Variants in RAD51B observed in about 807,000 individuals in gnomAD.
The protein encoded by RAD51B is RAD51 paralog B.
In RAD51B, 38 loss-of-function variants were observed where a neutral mutation model predicts 42.2. The ratio of observed to expected loss-of-function variants is 0.90; its 90% CI spans 0.70 to 1.18. The LOEUF (loss-of-function observed/expected upper bound fraction) is 1.18. Ranked by LOEUF, RAD51B falls within the 50% of genes most tolerant of loss-of-function variation. The probability of loss-of-function intolerance (pLI) is 0.00; values close to 1 mark genes in which losing one functional copy is unlikely to be tolerated. For synonymous variants in RAD51B, 154 were observed against 145.2 expected, an observed-to-expected ratio of 1.06 and a Z score of -0.43; for missense variants, 373 against 400.7, an observed-to-expected ratio of 0.93 and a Z score of 0.59.
At chr14:68,153,481 C>T (rs1208809980) in intron 7 of RAD51B, among the ~76,000 whole-genome samples, 1 of 152,076 alleles carries the variant, frequency 6.6e-6, no homozygotes, top group Admixed American at 6.6e-5. Context: ...TCCTGTTCTC[C>T]TCAACCTCTC....
chr14:68,423,207 C>T (rs904353379), intron 9 of RAD51B, among the ~76,000 whole-genome samples: 2 of 152,144 alleles, frequency 1.3e-5, no homozygotes, highest in African/African-American at 4.8e-5. Context: ...CTGTGATTCT[C>T]TAACAGAATT....
intron 7 of RAD51B, among the ~76,000 whole-genome samples, chr14:67,939,976 T>C (rs868712089): frequency 8.4e-6 from 1 of 119,498 alleles, no homozygotes; most frequent in Non-Finnish European, 1.7e-5. Flanking sequence ...TATATATATA[T>C]AAAAAAATAA....
At chr14:68,673,938 CACAT>C (rs1456010852) in intron 11 of RAD51B, among the ~76,000 whole-genome samples, 12 of 151,882 alleles carry the variant, frequency 7.9e-5, no homozygotes, top group Non-Finnish European at 1.5e-4. Context: ...TGCACACACA[CACAT>C]ACTGTACACA....
At chr14:68,527,391 T>A (rs1456948508) in intron 10 of RAD51B, among the ~76,000 whole-genome samples, 1 of 152,190 alleles carries the variant, frequency 6.6e-6, no homozygotes, top group African/African-American at 2.4e-5. Flanking sequence ...AGGAGCGAGC[T>A]CCTTCTGTTT....
chr14:68,390,072 A>G (rs965815283), intron 8 of RAD51B, among the ~76,000 whole-genome samples: 3 of 152,238 alleles, frequency 2.0e-5, no homozygotes, highest in African/African-American at 7.2e-5. Context: ...GAAGAGCCTC[A>G]TCTCCACATC....
chr14:67,839,208 G>A (rs2041345327), intron 4 of RAD51B, among the ~76,000 whole-genome samples: 1 of 151,972 alleles, frequency 6.6e-6, no homozygotes, highest in South Asian at 2.1e-4. Flanking sequence ...AATGGATTAT[G>A]GAATATCTCT....
intron 10 of RAD51B, among the ~76,000 whole-genome samples, chr14:68,643,617 C>T (rs1328923223): frequency 6.6e-6 from 1 of 152,194 alleles, no homozygotes; most frequent in Non-Finnish European, 1.5e-5. Flanking sequence ...CTCCTCCCTG[C>T]TTTTTATTAC....
At chr14:68,064,000 T>C (rs10144224) in intron 7 of RAD51B, among the ~76,000 whole-genome samples, 9,875 of 152,240 alleles carry the variant, frequency 0.065, 786 homozygotes, top group African/African-American at 0.19. Flanking sequence ...TGAAGTGATA[T>C]GTTTTGATTC....
intron 10 of RAD51B, among the ~76,000 whole-genome samples, chr14:68,608,831 T>C (rs1315209268): frequency 4.6e-5 from 7 of 152,168 alleles, no homozygotes; most frequent in Non-Finnish European, 8.8e-5. Context: ...GCCAAGGCTC[T>C]GGGCTCCAGC....
intron 7 of RAD51B, among the ~76,000 whole-genome samples, chr14:67,969,312 C>G (rs1246467912): frequency 6.6e-6 from 1 of 152,154 alleles, no homozygotes; most frequent in Non-Finnish European, 1.5e-5. Context: ...ATTAGACTGT[C>G]TTAGAAACAC....
In RAD51B at chr14:68,100,833, C is replaced by A. The variant is rs1033052287; in HGVS notation, c.757-191051C>A. On this transcript the variant is annotated intron_variant, in intron 7 of 10. Transcript: ENST00000471583. Reference sequence around the variant, plus strand: ...TGCTGGCCTAGGGGCATTCAGCTACCAAATATGTATGCAGGAACTCCACCC... The same window carrying A: ...TGCTGGCCTAGGGGCATTCAGCTACAAAATATGTATGCAGGAACTCCACCC... Among the ~76,000 whole-genome samples the A allele has an allele frequency of 2.0e-5, 3 of 152,146 alleles. No individual in the cohort carries two copies. The East Asian group carries it at 5.8e-4, about 29-fold the overall frequency.
At chr14:68,422,559 C>CAA (rs60206313) in intron 9 of RAD51B, among the ~76,000 whole-genome samples, 31,021 of 104,236 alleles carry the variant, frequency 0.3, 5,119 homozygotes, top group South Asian at 0.49. Flanking sequence ...GTCTCCATCT[C>CAA]AAAAAAAAAA....
chr14:68,579,108 C>T (rs1296378309), intron 10 of RAD51B, among the ~76,000 whole-genome samples: 3 of 152,296 alleles, frequency 2.0e-5, no homozygotes, highest in East Asian at 1.9e-4. Context: ...ATGTTGGTGA[C>T]GACACCACCA....
At chr14:68,297,726 CT>C (rs1262652171) in intron 8 of RAD51B, among the ~76,000 whole-genome samples, 2 of 152,156 alleles carry the variant, frequency 1.3e-5, no homozygotes, top group Non-Finnish European at 2.9e-5. Flanking sequence ...TTAACATTAG[CT>C]TTTCCATAGT....
chr14:67,957,932 G>C (rs1421933885), intron 7 of RAD51B, among the ~76,000 whole-genome samples: 1 of 152,150 alleles, frequency 6.6e-6, no homozygotes, highest in Non-Finnish European at 1.5e-5. Context: ...CAGAGAGAGA[G>C]TAGGATCAGG....
chr14:68,319,958 C>G (rs2082128077), intron 8 of RAD51B, among the ~76,000 whole-genome samples: 2 of 152,078 alleles, frequency 1.3e-5, no homozygotes, highest in African/African-American at 4.8e-5. Flanking sequence ...GAAATAAAGA[C>G]CCAGAGAGGT....
At chr14:67,843,056 G>T (rs2140312081) in intron 4 of RAD51B, among the ~76,000 whole-genome samples, 1 of 151,946 alleles carries the variant, frequency 6.6e-6, no homozygotes, top group South Asian at 2.1e-4. Flanking sequence ...TTGATGTGTT[G>T]CTGGATTCAG....
chr14:67,915,827 TC>T (rs1479115340), intron 7 of RAD51B, among the ~76,000 whole-genome samples: 1 of 152,204 alleles, frequency 6.6e-6, no homozygotes, highest in Non-Finnish European at 1.5e-5. Flanking sequence ...AAATAATATT[TC>T]CTATTAGAGC....
intron 7 of RAD51B, among the ~76,000 whole-genome samples, chr14:67,971,369 A>G (rs933148752): frequency 6.6e-6 from 1 of 152,086 alleles, no homozygotes. Context: ...TTGCAGATTA[A>G]AAAAAGGTTA....
Sources: gnomAD v4.1 joint callset for allele counts (sites outside exome capture counted in the v4.1 genomes callset) on GRCh38, gnomAD v4.1.1 for gene constraint, MANE v1.5 for transcripts, NCBI Gene and HGNC (gene_info 2026-07-23, HGNC 2026-07-21) for gene names.